Variants in NAV2 observed in about 807,000 individuals in gnomAD.
The protein encoded by NAV2 is helicase, APC down-regulated 1.
Under a neutral mutation model 223.2 loss-of-function variants are expected in NAV2, and 54 were observed. That is an observed-to-expected ratio of 0.24 (90% confidence interval 0.19 to 0.30). NAV2 has a LOEUF of 0.30. NAV2 is among the 10% of genes least tolerant of loss of function. The pLI, the probability that NAV2 is intolerant of heterozygous loss-of-function variation, is 1.00. For missense variants in NAV2, 2,806 were observed against 3,147.5 expected, an observed-to-expected ratio of 0.89 and a Z score of 2.60; for synonymous variants, 1,279 against 1,239.3, an observed-to-expected ratio of 1.03 and a Z score of -0.67.
At chr11:19,531,567 C>T (rs934796857) in intron 1 of NAV2, among the ~76,000 whole-genome samples, 3 of 152,174 alleles carry the variant, frequency 2.0e-5, no homozygotes, top group Non-Finnish European at 4.4e-5. Context: ...AGAAAGGAGT[C>T]TATGGTAACT....
At chr11:19,375,975 A>G (rs1188876820) in intron 1 of NAV2, among the ~76,000 whole-genome samples, 1 of 152,228 alleles carries the variant, frequency 6.6e-6, no homozygotes, top group Non-Finnish European at 1.5e-5. Flanking sequence ...TTAAATATCT[A>G]TAGGTTTAAA....
chr11:19,741,791 T>TG lies in NAV2; in HGVS notation c.267+27830dup, dbSNP rs1265357437. ...TATGTTGTTTCCATATCTTAGCAATTGCAAATAATGCTGCAACAAATAGGG... is the reference window on the plus strand; with the variant it reads ...TATGTTGTTTCCATATCTTAGCAATTGGCAAATAATGCTGCAACAAATAGGG... On this transcript the variant is annotated intron_variant, in intron 1 of 37. Transcript: ENST00000349880. Among the ~76,000 whole-genome samples the TG allele has an allele frequency of 2.6e-5, 4 of 150,988 alleles. No individual in the cohort carries two copies. In the East Asian group the frequency reaches 7.8e-4, roughly 29 times the overall value.
At chr11:19,749,252 C>T (rs10833162) in intron 1 of NAV2, among the ~76,000 whole-genome samples, 15,892 of 152,116 alleles carry the variant, frequency 0.1, 925 homozygotes, top group South Asian at 0.15. Flanking sequence ...GGACTCACTG[C>T]GCCTTCAAGA....
chr11:19,542,551 G>T (rs957725596), intron 1 of NAV2, among the ~76,000 whole-genome samples: 4 of 152,188 alleles, frequency 2.6e-5, no homozygotes, highest in Admixed American at 1.3e-4. Context: ...ATACTGAGGG[G>T]TTCCATATAT....
At chr11:19,744,906 G>T (rs2053208973) in intron 1 of NAV2, among the ~76,000 whole-genome samples, 1 of 152,122 alleles carries the variant, frequency 6.6e-6, no homozygotes, top group Non-Finnish European at 1.5e-5. Flanking sequence ...TGGTTATCCT[G>T]ATTTTTTGCC....
intron 1 of NAV2, among the ~76,000 whole-genome samples, chr11:19,464,127 A>G (rs958372413): frequency 6.6e-6 from 1 of 152,094 alleles, no homozygotes; most frequent in African/African-American, 2.4e-5. Flanking sequence ...CAAGCGCAGA[A>G]CCTGATTAGT....
In NAV2 at chr11:19,899,739, A is replaced by G. The variant is rs748883972; in HGVS notation, c.931+7145A>G. On this transcript the variant is annotated intron_variant, in intron 6 of 37. Coordinates refer to ENST00000349880, the MANE Select transcript of NAV2 (RefSeq NM_145117.5). ...GGGAGGACTTCCGAGAAGTGATATC[A>G]TTTGTATTGATTTCCATTTCAAAAT... Among the ~76,000 whole-genome samples the G allele has an allele frequency of 3.9e-5, 6 of 152,290 alleles. No homozygotes were observed. In the East Asian group the frequency reaches 7.7e-4, roughly 20 times the overall value.
At chr11:20,033,479 G>T (rs1252890307) in intron 11 of NAV2, among the ~76,000 whole-genome samples, 4 of 152,230 alleles carry the variant, frequency 2.6e-5, no homozygotes, top group Admixed American at 2.6e-4. Context: ...CTTAAAGGAA[G>T]AATTTGGAAC....
chr11:19,587,431 A>C (rs1398380812), intron 1 of NAV2, among the ~76,000 whole-genome samples: 1 of 152,158 alleles, frequency 6.6e-6, no homozygotes, highest in Non-Finnish European at 1.5e-5. Context: ...CTGGTACTTC[A>C]GTTGGAAACG....
chr11:19,487,462 GA>G (rs2042481603), intron 1 of NAV2, among the ~76,000 whole-genome samples: 2 of 152,218 alleles, frequency 1.3e-5, no homozygotes, highest in Admixed American at 1.3e-4. Context: ...AGGAAGGATT[GA>G]AAAAATGATG....
chr11:19,490,911 A>G (rs564174537), intron 1 of NAV2, among the ~76,000 whole-genome samples: 2 of 152,324 alleles, frequency 1.3e-5, no homozygotes, highest in African/African-American at 2.4e-5. Context: ...ATCCCTGGGT[A>G]GCAGAATGGA....
At chr11:19,387,302 G>A (rs916788659) in intron 1 of NAV2, among the ~76,000 whole-genome samples, 6 of 152,180 alleles carry the variant, frequency 3.9e-5, no homozygotes, top group African/African-American at 1.4e-4. Flanking sequence ...AGAGCTTTCT[G>A]TCTCTGAGAT....
At chr11:19,541,206 T>C (rs1182361161) in intron 1 of NAV2, among the ~76,000 whole-genome samples, 1 of 152,208 alleles carries the variant, frequency 6.6e-6, no homozygotes, top group East Asian at 1.9e-4. Flanking sequence ...GGCAGATGAG[T>C]TGACCATTGC....
chr11:19,622,431 T>C (rs1012191851), intron 1 of NAV2, among the ~76,000 whole-genome samples: 1 of 152,234 alleles, frequency 6.6e-6, no homozygotes, highest in Non-Finnish European at 1.5e-5. Flanking sequence ...TTTATGAATC[T>C]GGGTGCTCCT....
At chr11:19,811,442 T>G (rs959803063) in intron 1 of NAV2, among the ~76,000 whole-genome samples, 12 of 152,256 alleles carry the variant, frequency 7.9e-5, no homozygotes, top group African/African-American at 2.9e-4. Flanking sequence ...TGACATTGAT[T>G]TACAAGTCAG....
intron 11 of NAV2, among the ~76,000 whole-genome samples, chr11:19,992,634 C>T (rs2568134): frequency 0.18 from 23,804 of 132,784 alleles, 2,443 homozygotes; most frequent in East Asian, 0.52. Flanking sequence ...GTTCCCCAGG[C>T]TGGAGTGCAG....
At chr11:20,069,446 C>T (rs2059260051) in intron 22 of NAV2, among the ~76,000 whole-genome samples, 1 of 152,114 alleles carries the variant, frequency 6.6e-6, no homozygotes, top group African/African-American at 2.4e-5. Context: ...GCAGACACCT[C>T]TCAGTGCGTT....
At chr11:19,477,726 T>A (rs567041255) in intron 1 of NAV2, among the ~76,000 whole-genome samples, 3 of 152,298 alleles carry the variant, frequency 2.0e-5, no homozygotes, top group African/African-American at 7.2e-5. Flanking sequence ...ATGTACATAA[T>A]CTCATTTTAT....
At chr11:19,862,527 C>T (rs1304320987) in intron 3 of NAV2, among the ~76,000 whole-genome samples, 1 of 152,208 alleles carries the variant, frequency 6.6e-6, no homozygotes, top group Non-Finnish European at 1.5e-5. Context: ...TATACATCAG[C>T]CTGAGTAGCT....
Sources: allele counts gnomAD v4.1 joint callset (sites outside exome capture counted in the v4.1 genomes callset), GRCh38; gene constraint gnomAD v4.1.1; transcripts MANE v1.5; gene names NCBI Gene and HGNC (gene_info 2026-07-23, HGNC 2026-07-21).